The following RB1CC1 variants were observed in gnomAD, a reference collection of about 807,000 sequenced individuals.
RB1CC1 encodes RB1 inducible coiled-coil 1, also known as RB1-inducible coiled-coil protein 1.
RB1CC1 carries 46 observed loss-of-function variants against 177.5 expected under a neutral mutation model. The ratio of observed to expected loss-of-function variants is 0.26; its 90% confidence interval spans 0.20 to 0.33. The LOEUF is 0.33. Ranked by LOEUF, RB1CC1 falls within the 10% of genes least tolerant of loss-of-function variation. The pLI is 1.00. For missense variants in RB1CC1, 1,703 were observed against 1,816.3 expected, an observed-to-expected ratio of 0.94 and a Z score of 1.13; for synonymous variants, 666 against 613.6, an observed-to-expected ratio of 1.09 and a Z score of -1.26.
At chr8:52,691,469 A>C (rs543527111) in intron 1 of RB1CC1, among the ~76,000 whole-genome samples, 17 of 152,236 alleles carry the variant, frequency 1.1e-4, no homozygotes, top group Non-Finnish European at 2.2e-4. Context: ...TGAACAATTT[A>C]AACTATTTTA....
chr8:52,664,684 T>G (rs61365263), intron 8 of RB1CC1, among the ~76,000 whole-genome samples: 2,837 of 152,252 alleles, frequency 0.019, 98 homozygotes, highest in African/African-American at 0.066. Flanking sequence ...TTCAGGGAGG[T>G]TAAATGGTCA....
chr8:52,667,528 C>G (rs1852171117), intron 8 of RB1CC1, among the ~76,000 whole-genome samples: 1 of 152,134 alleles, frequency 6.6e-6, no homozygotes, highest in South Asian at 2.1e-4. Flanking sequence ...GAAACGTCCA[C>G]ATTTACCACT....
chr8:52,688,801 C>T (rs185001623), intron 1 of RB1CC1, among the ~76,000 whole-genome samples: 134 of 152,208 alleles, frequency 8.8e-4, no homozygotes, highest in African/African-American at 3.2e-3. Flanking sequence ...ACTGTCCTAC[C>T]GATATGTGAT....
intron 22 of RB1CC1, among the ~76,000 whole-genome samples, chr8:52,626,950 G>A (rs1453380768): frequency 1.3e-5 from 2 of 152,294 alleles, no homozygotes; most frequent in East Asian, 1.9e-4. Context: ...AGCTACTCAG[G>A]AGGCTGAGGC....
chr8:52,677,132 T>C (rs1421007795), intron 5 of RB1CC1, among the ~76,000 whole-genome samples: 3 of 152,202 alleles, frequency 2.0e-5, no homozygotes, highest in Admixed American at 6.5e-5. Context: ...GATTGCTTTA[T>C]ATATGGAGAT....
Position 52,645,747 on chromosome 8 carries a change from ATTCT to A in RB1CC1, c.3938_3941del (p.Lys1313MetfsTer11). The A allele has an allele frequency of 1.2e-6, 2 of 1,612,852 alleles. No homozygotes were observed. The highest frequency in any genetic ancestry group is 1.7e-6 in the Non-Finnish European group (2 of 1,179,556). ...ATGTTCGAACATTTTGCATTTCTTC[ATTCT>A]TTCTTTTTTCTTGCTCTTCAAGTTG... On this transcript the variant is annotated frameshift_variant, in exon 16 of 24. Transcript: ENST00000025008. LOFTEE classifies it high-confidence loss of function.
At chr8:52,690,311 T>C (rs1205647374) in intron 1 of RB1CC1, among the ~76,000 whole-genome samples, 1 of 152,220 alleles carries the variant, frequency 6.6e-6, no homozygotes, top group Admixed American at 6.5e-5. Context: ...CCTTCATTCA[T>C]TCATTCATCC....
chr8:52,666,152 T>A (rs1240062143), intron 8 of RB1CC1, among the ~76,000 whole-genome samples: 1 of 151,842 alleles, frequency 6.6e-6, no homozygotes, highest in African/African-American at 2.4e-5. Context: ...CCTCACAATA[T>A]TTCTTTGATT....
At chr8:52,627,997 C>G (rs766656132) in intron 22 of RB1CC1, 35 bp downstream of exon 22, 3 of 1,508,626 alleles carry the variant, frequency 2.0e-6, no homozygotes, top group African/African-American at 2.9e-5. Flanking sequence ...TTCCTCCATT[C>G]CAGGTTTATA....
chr8:52,625,537 A>G (rs1007024795), intron 22 of RB1CC1, among the ~76,000 whole-genome samples: 1 of 152,210 alleles, frequency 6.6e-6, no homozygotes, highest in Non-Finnish European at 1.5e-5. Flanking sequence ...ATGCCTTTCA[A>G]CTTATGATAA....
At chr8:52,630,401 A>C in intron 21 of RB1CC1, 69 bp downstream of exon 21, 2 of 1,494,548 alleles carry the variant, frequency 1.3e-6, no homozygotes, top group Non-Finnish European at 8.9e-7. Flanking sequence ...CTGTCACTGA[A>C]ATACATTTTC....
chr8:52,653,905 C>T (rs933643521), intron 15 of RB1CC1, among the ~76,000 whole-genome samples: 15 of 152,184 alleles, frequency 9.9e-5, no homozygotes, highest in Admixed American at 9.8e-4. Flanking sequence ...AGAATCGTTA[C>T]TGGAATAGAC....
intron 1 of RB1CC1, among the ~76,000 whole-genome samples, chr8:52,707,911 TCAG>T (rs753667275): frequency 6.6e-6 from 1 of 152,180 alleles, no homozygotes; most frequent in Non-Finnish European, 1.5e-5. Context: ...TCACTGAGGC[TCAG>T]GTAACCTCCA....
In RB1CC1 at chr8:52,686,847, A is replaced by G; in HGVS notation, c.-52+6T>C. The G allele has an allele frequency of 2.2e-6, 1 of 448,818 alleles. No individual in the cohort carries two copies. The highest frequency in any genetic ancestry group is 2.5e-5 in the Admixed American group (1 of 40,364). The allele number at this position is 448,818 out of a possible 1,614,324, so 27.8% of individuals were successfully genotyped here. A position where few individuals can be genotyped will look rare whatever the true frequency, so the allele number is the denominator to read the frequency against. On this transcript the variant is annotated splice_donor_region_variant and intron_variant, in intron 2 of 23. Transcript: ENST00000025008. ...CTCTGCTATACAGGTAGAAACTGTGACTTACCGTCAGGCACTGTGAAAAGG... is the reference window on the plus strand; with the variant it reads ...CTCTGCTATACAGGTAGAAACTGTGGCTTACCGTCAGGCACTGTGAAAAGG...
chr8:52,665,420 A>G (rs1462024877), intron 8 of RB1CC1, among the ~76,000 whole-genome samples: 1 of 152,210 alleles, frequency 6.6e-6, no homozygotes, highest in Non-Finnish European at 1.5e-5. Flanking sequence ...AAAATGAACA[A>G]AGACCTTAAT....
At position 52,674,185 on chromosome 8, in the gene RB1CC1, T is replaced by A; in HGVS notation, c.662A>T (p.Asp221Val). 6.2e-7 allele frequency: 1 copy of A among 1,612,826 alleles called. No individual in the cohort carries two copies. Among genetic ancestry groups the A allele is most frequent in the Non-Finnish European group, 8.5e-7 (1 of 1,178,752 alleles). ...HSYRECLGRL[D>V]SLPEHEDSEK... ...TGAGTCTTCATGTTCAGGTAAAGAA[T>A]CCAGTCTTCCCAAACATTCTCTGTA... Residue 221 changes from aspartate (D) to valine (V), a missense_variant, in exon 7 of 24, where the codon GAT becomes GTT. By Grantham distance (152) the Asp-to-Val change is radical. Transcript: ENST00000025008.
intron 5 of RB1CC1, among the ~76,000 whole-genome samples, chr8:52,681,772 TAA>T (rs1289555303): frequency 6.6e-6 from 1 of 152,156 alleles, no homozygotes; most frequent in African/African-American, 2.4e-5. Context: ...CTCTATATAA[TAA>T]GTCAATAAAA....
intron 15 of RB1CC1, among the ~76,000 whole-genome samples, chr8:52,651,301 T>A (rs1342323711): frequency 6.6e-6 from 1 of 152,152 alleles, no homozygotes; most frequent in Non-Finnish European, 1.5e-5. Flanking sequence ...ATACTCTAGA[T>A]CAAGGGCAGG....
intron 15 of RB1CC1, among the ~76,000 whole-genome samples, chr8:52,651,523 G>C (rs1037934415): frequency 6.6e-6 from 1 of 152,140 alleles, no homozygotes; most frequent in East Asian, 1.9e-4. Context: ...AGAAGCCTGG[G>C]GTTAACCAAA....
Sources: allele counts gnomAD v4.1 joint callset (sites outside exome capture counted in the v4.1 genomes callset), GRCh38; gene constraint gnomAD v4.1.1; transcripts MANE v1.5; gene names NCBI Gene and HGNC (gene_info 2026-07-23, HGNC 2026-07-21).